Variants in TENM3 observed in about 807,000 individuals in gnomAD.
TENM3 encodes teneurin-3.
A neutral mutation model predicts 255.1 loss-of-function variants in TENM3; 63 were observed. That is an observed-to-expected ratio of 0.25 (90% CI 0.20 to 0.30). The LOEUF (loss-of-function observed/expected upper bound fraction) is 0.30, where lower values mean the gene tolerates loss of function less well. Ranked by LOEUF, TENM3 falls within the 10% of genes least tolerant of loss-of-function variation. The probability of loss-of-function intolerance (pLI) is 1.00; values close to 1 mark genes in which losing one functional copy is unlikely to be tolerated. For synonymous variants in TENM3, 1,306 were observed against 1,322.3 expected (o/e 0.99, Z 0.27); for missense variants, 2,929 against 3,461.1 (o/e 0.85, Z 3.86).
chr4:181,453,644 A>G, the TENM3 span, among the ~76,000 whole-genome samples: 20 of 152,262 alleles, frequency 1.3e-4, no homozygotes, highest in East Asian at 2.3e-3. Context: ...CGATGAAGAA[A>G]TGATGTACTG....
At chr4:182,520,451 G>T (rs1738456534) in intron 3 of TENM3, among the ~76,000 whole-genome samples, 2 of 152,172 alleles carry the variant, frequency 1.3e-5, no homozygotes, top group Admixed American at 6.5e-5. Context: ...CAACTTCAAA[G>T]ATTTCATATT....
chr4:181,775,382 G>A, the TENM3 span, among the ~76,000 whole-genome samples: 1 of 152,082 alleles, frequency 6.6e-6, no homozygotes, highest in Non-Finnish European at 1.5e-5. Context: ...TTGGGGCTGA[G>A]TTTCTTGTAT....
At chr4:181,918,742 A>G in the TENM3 span, among the ~76,000 whole-genome samples, 2 of 152,138 alleles carry the variant, frequency 1.3e-5, no homozygotes, top group Non-Finnish European at 2.9e-5. Context: ...ATTTCTTCCT[A>G]TCTGTCTGCC....
At chr4:182,240,503 T>C (rs189200894), upstream of TENM3, among the ~76,000 whole-genome samples, 1 of 152,302 alleles carries the variant, frequency 6.6e-6, no homozygotes, top group Admixed American at 6.5e-5. Flanking sequence ...AACTGTGGTG[T>C]CAGGATTAGA....
chr4:182,331,872 A>T (rs1160618039), intron 2 of TENM3, among the ~76,000 whole-genome samples: 4 of 152,180 alleles, frequency 2.6e-5, no homozygotes, highest in Non-Finnish European at 4.4e-5. Context: ...AAAAACTATT[A>T]AAAAAAGAAA....
At chr4:182,024,481 A>G in the TENM3 span, among the ~76,000 whole-genome samples, 15 of 152,186 alleles carry the variant, frequency 9.9e-5, no homozygotes, top group African/African-American at 3.4e-4. Context: ...TTTAAAAATG[A>G]TTTATGGTAT....
At chr4:182,133,097 C>G in the TENM3 span, among the ~76,000 whole-genome samples, 1 of 152,204 alleles carries the variant, frequency 6.6e-6, no homozygotes, top group South Asian at 2.1e-4. Flanking sequence ...AAAAGAAAGA[C>G]TTGTTTTTAT....
the TENM3 span, among the ~76,000 whole-genome samples, chr4:181,838,158 AAGAAAGAAAGAAAAG>A: frequency 2.0e-5 from 3 of 151,954 alleles, no homozygotes; most frequent in African/African-American, 7.2e-5. Flanking sequence ...AAAAGAAAGA[AAGAAAGAAAGAAAAG>A]AGAAAGAAAA....
At chr4:182,540,105 T>C (rs1184173736) in intron 3 of TENM3, among the ~76,000 whole-genome samples, 1 of 152,216 alleles carries the variant, frequency 6.6e-6, no homozygotes, top group African/African-American at 2.4e-5. Context: ...ACAAGAAAGT[T>C]TGATTTGAAT....
In TENM3 at chr4:182,789,209, G is replaced by A. The variant is rs201388266; in HGVS notation, c.5421G>A (p.Pro1807=). The change falls in exon 25 of 28, where the codon CCG becomes CCA. Residue 1807 remains proline, a synonymous_variant. Transcript: ENST00000511685. This position sits in a 1 kb window ranked among gnomAD's most constrained non-coding sequence, Gnocchi z 4.4. ...LRIAYDTSGH[P]TLWLPSSKLM... Reference sequence around the variant, plus strand: ...TCGCCTACGACACGTCTGGGCACCCGACTCTCTGGCTGCCAAGCAGCAAGC... The same window carrying A: ...TCGCCTACGACACGTCTGGGCACCCAACTCTCTGGCTGCCAAGCAGCAAGC... The A allele has an allele frequency of 2.8e-4, 457 of 1,613,364 alleles. No homozygotes were observed. The East Asian group carries it at 4.5e-3, about 16-fold the overall frequency.
the TENM3 span, among the ~76,000 whole-genome samples, chr4:182,093,051 G>C: frequency 6.6e-6 from 1 of 152,068 alleles, no homozygotes; most frequent in Admixed American, 6.5e-5. Context: ...AATGTCACTT[G>C]ACTATGGGTT....
intron 4 of TENM3, among the ~76,000 whole-genome samples, chr4:182,623,013 T>C (rs1258605389): frequency 6.7e-6 from 1 of 148,644 alleles, no homozygotes; most frequent in African/African-American, 2.5e-5. Context: ...CAGAGTCTCT[T>C]TTTTTTTTTT....
chr4:182,607,439 G>A (rs1227975225), intron 4 of TENM3, among the ~76,000 whole-genome samples: 1 of 151,680 alleles, frequency 6.6e-6, no homozygotes, highest in Non-Finnish European at 1.5e-5. Flanking sequence ...TTGTTCTTGA[G>A]AAGAAAAAAA....
chr4:181,729,644 C>A, the TENM3 span, among the ~76,000 whole-genome samples: 2 of 152,216 alleles, frequency 1.3e-5, no homozygotes, highest in Non-Finnish European at 2.9e-5. Flanking sequence ...AAGCCTCTTT[C>A]ACGTGACAGA....
rs187672749 is a variant in TENM3, at chr4:182,677,414, C to T, written c.1327-2252C>T. Among the ~76,000 whole-genome samples the T allele has an allele frequency of 1.1e-4, 16 of 152,256 alleles. No homozygotes were observed. The East Asian group carries it at 2.7e-3, about 26-fold the overall frequency. On this transcript the variant is annotated intron_variant, in intron 7 of 27. Coordinates refer to ENST00000511685, the MANE Select transcript of TENM3 (RefSeq NM_001080477.4). ...TCCTCCCGTTCACTTTTTCAGTTAC[C>T]GTGTTTAATGTTAGGGAAGAAAAAT...
At chr4:182,030,194 C>T in the TENM3 span, among the ~76,000 whole-genome samples, 2 of 151,902 alleles carry the variant, frequency 1.3e-5, no homozygotes, top group East Asian at 1.9e-4. Flanking sequence ...GTATTTAGCC[C>T]AGCATGCATT....
At chr4:181,568,086 T>A in the TENM3 span, among the ~76,000 whole-genome samples, 1 of 152,140 alleles carries the variant, frequency 6.6e-6, no homozygotes, top group African/African-American at 2.4e-5. Flanking sequence ...TTTCTCATCC[T>A]TTTTTACAGT....
At chr4:182,278,952 G>C (rs898022484) in intron 1 of TENM3, among the ~76,000 whole-genome samples, 1 of 152,248 alleles carries the variant, frequency 6.6e-6, no homozygotes, top group African/African-American at 2.4e-5. Context: ...ACAAGCCCGA[G>C]GGCTGCCAAG....
chr4:182,109,055 A>C, the TENM3 span, among the ~76,000 whole-genome samples: 1 of 151,800 alleles, frequency 6.6e-6, no homozygotes, highest in East Asian at 1.9e-4. Flanking sequence ...TCTACCAAAA[A>C]ACATATTTAG....
Sources: allele counts gnomAD v4.1 joint callset (sites outside exome capture counted in the v4.1 genomes callset), GRCh38; gene constraint gnomAD v4.1.1; non-coding constraint Gnocchi (gnomAD v3.1); transcripts MANE v1.5; gene names NCBI Gene and HGNC (gene_info 2026-07-23, HGNC 2026-07-21).